The following NUP205 variants were observed in gnomAD, a reference collection of about 807,000 sequenced individuals.
NUP205 encodes the protein nucleoporin 205, also known as nuclear pore complex protein Nup205.
A neutral mutation model predicts 253.8 loss-of-function variants in NUP205; 76 were observed. The observed-to-expected ratio is 0.30, with a 90% CI of 0.25 to 0.36. The LOEUF (loss-of-function observed/expected upper bound fraction) is 0.36, where lower values mean the gene tolerates loss of function less well. Ranked by LOEUF, NUP205 falls within the 10% of genes least tolerant of loss-of-function variation. The pLI is 1.00. For missense variants in NUP205, 2,162 were observed against 2,425.5 expected (o/e 0.89, Z 2.28); for synonymous variants, 832 against 850.1 (o/e 0.98, Z 0.37).
intron 3 of NUP205, among the ~76,000 whole-genome samples, chr7:135,574,070 T>G (rs1806080810): frequency 6.6e-6 from 1 of 152,132 alleles, no homozygotes. Context: ...CTTACCGGGT[T>G]CAAGTGATTC....
At chr7:135,644,579 CTGT>C in intron 39 of NUP205, among the ~76,000 whole-genome samples, 1 of 152,302 alleles carries the variant, frequency 6.6e-6, no homozygotes, top group Non-Finnish European at 1.5e-5. Flanking sequence ...GTTATAGCTA[CTGT>C]TTGAAAAACC....
chr7:135,600,949 A>T lies in NUP205; in HGVS notation c.2354A>T (p.Asp785Val). ...GAGCCTCAGCTTGAAGATTTTGTAGACCAGTTTGTGGAACTACAAGGTAAT... is the reference window on the plus strand; with the variant it reads ...GAGCCTCAGCTTGAAGATTTTGTAGTCCAGTTTGTGGAACTACAAGGTAAT... ...DYEPQLEDFV[D>V]QFVELQGEEI... The change falls in exon 16 of 43, where the codon GAC becomes GTC. Residue 785 changes from aspartate to valine, a missense_variant. Around this residue, in one of 5 missense-constraint regions of NUP205, gnomAD observed 892 missense variants for 957.1 expected, o/e 0.93. Coordinates refer to ENST00000285968, the MANE Select transcript of NUP205 (RefSeq NM_015135.3). The T allele has an allele frequency of 1.2e-6, 2 of 1,605,790 alleles. No individual in the cohort carries two copies. The highest frequency in any genetic ancestry group is 1.7e-6 in the Non-Finnish European group (2 of 1,173,268).
chr7:135,638,538 T>TA lies in NUP205; in HGVS notation c.5266-18dup. 1 of 1,611,224 alleles carries TA rather than the reference T, an allele frequency of 6.2e-7. No individual in the cohort carries two copies. Among genetic ancestry groups the TA allele is most frequent in the Non-Finnish European group, 8.5e-7 (1 of 1,178,576 alleles). On this transcript the variant is annotated intron_variant, in intron 37 of 42. Transcript: ENST00000285968. ...CATTTCAGGGTCTTAACATTTTTGT[T>TA]ACTGTTTTTTGATTATAGATTTGTG...
intron 7 of NUP205, among the ~76,000 whole-genome samples, chr7:135,582,399 G>T (rs1346325592): frequency 2.0e-5 from 3 of 152,188 alleles, no homozygotes; most frequent in African/African-American, 7.2e-5. Context: ...TTAATAATTA[G>T]TAATTTTAGT....
intron 18 of NUP205, among the ~76,000 whole-genome samples, chr7:135,603,765 C>T (rs949170044): frequency 1.3e-5 from 2 of 152,146 alleles, no homozygotes; most frequent in Non-Finnish European, 2.9e-5. Flanking sequence ...CCAGCTCAGC[C>T]TCCCAAAGTG....
chr7:135,622,712 G>A lies in NUP205; in HGVS notation c.4331-65G>A, dbSNP rs780245807. The A allele has an allele frequency of 8.9e-4, 1,280 of 1,435,812 alleles. 1 individual carries two copies. Among genetic ancestry groups the A allele is most frequent in the Middle Eastern group, 2.0e-3 (11 of 5,608 alleles). The allele number at this position is 1,435,812 out of a possible 1,614,324, so 88.9% of individuals were successfully genotyped here. A position where few individuals can be genotyped will look rare whatever the true frequency, so the allele number is the denominator to read the frequency against. Reference sequence around the variant, plus strand: ...CCTTAGCTCATACCTAGCATGTGAGGTATAATTACTCAGTTATTACACTGC... The same window carrying A: ...CCTTAGCTCATACCTAGCATGTGAGATATAATTACTCAGTTATTACACTGC... On this transcript the variant is annotated intron_variant, in intron 30 of 42. Transcript: ENST00000285968.
intron 14 of NUP205, 34 bp from the exon 15 acceptor site, chr7:135,597,964 T>C (rs1793881550): frequency 6.4e-7 from 1 of 1,561,306 alleles, no homozygotes; most frequent in South Asian, 1.1e-5. Context: ...CTAATAGTTT[T>C]TATTACCAAG....
chr7:135,638,421 A>G, intron 37 of NUP205, 136 bp from the exon 38 acceptor site: 1 of 822,972 alleles, frequency 1.2e-6, no homozygotes, highest in East Asian at 3.0e-5. Context: ...TCTGAAAAAA[A>G]AAAAAAAAAA....
At chr7:135,642,549 C>T (rs887469334) in intron 38 of NUP205, among the ~76,000 whole-genome samples, 1 of 152,138 alleles carries the variant, frequency 6.6e-6, no homozygotes, top group Non-Finnish European at 1.5e-5. Flanking sequence ...CCCACTGTTC[C>T]TTTGCATCTT....
chr7:135,645,936 A>T (rs1794999489), intron 41 of NUP205: 1 of 585,322 alleles, frequency 1.7e-6, no homozygotes, highest in African/African-American at 1.9e-5. Context: ...CATATATTGG[A>T]TCCCTTAGGT....
chr7:135,609,104 C>CAAAAA (rs1163880987), intron 22 of NUP205, among the ~76,000 whole-genome samples: 2 of 66,180 alleles, frequency 3.0e-5, no homozygotes, highest in Admixed American at 1.8e-4. Flanking sequence ...AACTCCGTCT[C>CAAAAA]AAAAAAAAAA....
Position 135,587,597 on chromosome 7 carries a change from C to A in NUP205, c.1241C>A (p.Ala414Glu). The A allele has an allele frequency of 6.2e-7, 1 of 1,602,420 alleles. No homozygotes were observed. The highest frequency in any genetic ancestry group is 8.5e-7 in the Non-Finnish European group (1 of 1,174,416). Residue 414 changes from alanine to glutamate, a missense_variant, in exon 9 of 43, where the codon GCA (alanine) becomes GAA (glutamate). Ala to Glu is a moderately radical substitution (Grantham distance 107). Transcript: ENST00000285968. ...TAGGTGAAACAGCTGAGGAATCGGG[C>A]AGATGAAGATGCTCGAATGATTCAC... ...PMKVKQLRNR[A>E]DEDARMIHMS...
rs563988135 is a variant in NUP205 at position 135,604,241 on chromosome 7, A to G, written c.2703-99A>G. 1.0e-5 allele frequency: 10 copies of G among 959,658 alleles called. No homozygotes were observed. In the East Asian group the frequency reaches 1.8e-4, roughly 18 times the overall value. The allele number at this position is 959,658 out of a possible 1,614,324, so 59.4% of individuals were successfully genotyped here. On this transcript the variant is annotated intron_variant, in intron 18 of 42. Coordinates refer to ENST00000285968, the MANE Select transcript of NUP205 (RefSeq NM_015135.3). ...TTTCTTATTTACCTTGAAGTGCTGT[A>G]TGGGCAGGGGAAGCCCTGGTTCTAA... is the stretch of plus-strand genomic sequence containing the variant.
At chr7:135,563,491 T>G (rs1044178866) in intron 1 of NUP205, among the ~76,000 whole-genome samples, 16 of 151,206 alleles carry the variant, frequency 1.1e-4, no homozygotes, top group Non-Finnish European at 1.8e-4. Flanking sequence ...CCCGGCCAGA[T>G]TTTACATTTA....
intron 17 of NUP205, among the ~76,000 whole-genome samples, chr7:135,602,387 A>G (rs1283354247): frequency 1.3e-5 from 2 of 152,180 alleles, no homozygotes; most frequent in Non-Finnish European, 2.9e-5. Context: ...TTTGTTGTGG[A>G]TGATGTCCTG....
intron 41 of NUP205, chr7:135,645,856 C>T (rs1352749122): frequency 1.7e-6 from 1 of 575,208 alleles, no homozygotes; most frequent in Non-Finnish European, 3.1e-6. Context: ...TGATCCAGCT[C>T]TAGAAGAATG....
In NUP205 at chr7:135,604,390, A is replaced by G. The variant is rs1794039612; in HGVS notation, c.2753A>G (p.Lys918Arg). The G allele has an allele frequency of 1.2e-6, 2 of 1,613,166 alleles. No individual in the cohort carries two copies. The highest frequency in any genetic ancestry group is 1.7e-6 in the Non-Finnish European group (2 of 1,179,348). The change falls in exon 19 of 43, where the codon AAG becomes AGG. Residue 918 changes from lysine (K) to arginine (R), a missense_variant. By Grantham distance (26) the Lys-to-Arg change is conservative. Around this residue, in one of 5 missense-constraint regions of NUP205, gnomAD observed 892 missense variants for 957.1 expected, o/e 0.93. Coordinates refer to ENST00000285968, the MANE Select transcript of NUP205 (RefSeq NM_015135.3). ...TNPELAFESA[K>R]ILCCISCNSN... ...CCAGAATTGGCTTTTGAAAGTGCCA[A>G]GATCCTCTGTTGTATCTCTTGCAAC...
intron 15 of NUP205, among the ~76,000 whole-genome samples, chr7:135,600,164 TAAAC>T (rs1793934026): frequency 6.6e-6 from 1 of 152,234 alleles, no homozygotes; most frequent in Non-Finnish European, 1.5e-5. Context: ...GTGGATTTTT[TAAAC>T]AAAGTTTTAA....
intron 23 of NUP205, among the ~76,000 whole-genome samples, chr7:135,614,525 G>A (rs1326285335): frequency 6.6e-6 from 1 of 152,078 alleles, no homozygotes; most frequent in African/African-American, 2.4e-5. Context: ...AGATTGTGTT[G>A]AAGGGATTAG....
Sources: allele counts gnomAD v4.1 joint callset (sites outside exome capture counted in the v4.1 genomes callset), GRCh38; gene constraint gnomAD v4.1.1; regional missense constraint gnomAD v4.1.1; transcripts MANE v1.5; gene names NCBI Gene and HGNC (gene_info 2026-07-23, HGNC 2026-07-21).